The following RPL35A variants were observed in gnomAD, a reference collection of about 807,000 sequenced individuals.
The protein encoded by RPL35A is large ribosomal subunit protein eL33.
RPL35A carries 1 observed loss-of-function variant against 16.7 expected under a neutral mutation model. The observed-to-expected ratio is 0.06, with a 90% CI of 0.02 to 0.28. The LOEUF (loss-of-function observed/expected upper bound fraction) is 0.28, where lower values mean the gene tolerates loss of function less well. Among genes scored for constraint, RPL35A ranks in the 10% least tolerant of loss-of-function variants. The pLI is 1.00. For missense variants in RPL35A, 91 were observed against 138.7 expected, an observed-to-expected ratio of 0.66 and a Z score of 1.73; for synonymous variants, 58 against 47.0, an observed-to-expected ratio of 1.23 and a Z score of -0.96.
chr3:197,954,355 A>G (rs1197716251), intron 4 of RPL35A: 2 of 605,372 alleles, frequency 3.3e-6, no homozygotes, highest in Admixed American at 2.7e-5. Flanking sequence ...TTGGGGGGAG[A>G]CAGGGTCTCA....
At chr3:197,953,695 A>G (rs1720303982) in intron 3 of RPL35A, 1 of 446,728 alleles carries the variant, frequency 2.2e-6, no homozygotes. Context: ...AAATATCCTC[A>G]CACTTGTCCT....
chr3:197,954,462 T>A (rs1470360972), intron 4 of RPL35A: 3 of 411,570 alleles, frequency 7.3e-6, no homozygotes, highest in Non-Finnish European at 1.4e-5. Context: ...GCCCCCCAAG[T>A]AGCTGGGACC....
In RPL35A at chr3:197,955,008, G is replaced by A. The variant is rs546143677; in HGVS notation, c.310-742G>A. On this transcript the variant is annotated intron_variant, in intron 4 of 4. Coordinates refer to ENST00000647248, the MANE Select transcript of RPL35A (RefSeq NM_000996.4). ...CATGTTCCTAGGTCTCAGGTCTTTG[G>A]TGCCAGCCTTGGACTCTAAATTTTT... 1.4e-4 allele frequency among the ~76,000 whole-genome samples: 22 copies of A among 152,240 alleles called. No homozygotes were observed. The South Asian group carries it at 1.7e-3, about 11-fold the overall frequency.
chr3:197,951,110 T>C (rs748019081), intron 2 of RPL35A, 49 bp from the exon 3 acceptor site: 2 of 1,613,096 alleles, frequency 1.2e-6, no homozygotes, highest in Non-Finnish European at 1.7e-6. Flanking sequence ...ACAAGTCAGA[T>C]TGGTTTTTTG....
chr3:197,954,335 TG>T, intron 4 of RPL35A, 188 bp downstream of exon 4: 2 of 681,206 alleles, frequency 2.9e-6, no homozygotes, highest in Non-Finnish European at 5.0e-6. Context: ...GTTTGTTTTT[TG>T]TTTTTTTTTT....
chr3:197,951,426 C>G, intron 3 of RPL35A, 115 bp downstream of exon 3: 4 of 1,155,646 alleles, frequency 3.5e-6, no homozygotes, highest in Non-Finnish European at 5.2e-6. Flanking sequence ...TGGTCTCCCT[C>G]ACCGAAACCT....
chr3:197,953,340 T>TA, intron 3 of RPL35A: 1 of 430,804 alleles, frequency 2.3e-6, no homozygotes, highest in Middle Eastern at 3.4e-4. Flanking sequence ...TGGGCCACTG[T>TA]ACTGCAGCCT....
intron 4 of RPL35A, 83 bp from the exon 5 acceptor site, chr3:197,955,667 G>A: frequency 1.6e-6 from 2 of 1,214,246 alleles, no homozygotes; most frequent in Non-Finnish European, 2.4e-6. Flanking sequence ...TAGCCTTTCA[G>A]AGATTTATCC....
intron 4 of RPL35A, among the ~76,000 whole-genome samples, chr3:197,955,358 G>A (rs1720444085): frequency 6.6e-6 from 1 of 151,548 alleles, no homozygotes; most frequent in Non-Finnish European, 1.5e-5. Context: ...AAGCTCCCAG[G>A]TTCAAGCGAT....
In RPL35A at chr3:197,953,940, C is replaced by T. The variant is rs1190511955; in HGVS notation, c.165-63C>T. 3 of 1,574,846 alleles carry T rather than the reference C, an allele frequency of 1.9e-6. No homozygotes were observed. The African/African-American group carries it at 4.1e-5, about 21-fold the overall frequency. On this transcript the variant is annotated intron_variant, in intron 3 of 4. Coordinates refer to ENST00000647248, the MANE Select transcript of RPL35A (RefSeq NM_000996.4). ...GGTTGAGAGCCACTCGTGTAGAGGT[C>T]ACCTTGAATTTGTATCCAACTATAT...
At position 197,950,300 on chromosome 3, in the gene RPL35A, G is replaced by A. The variant is rs141054745; in HGVS notation, c.-33+79G>A. On this transcript the variant is annotated intron_variant, in intron 1 of 4. Coordinates refer to ENST00000647248, the MANE Select transcript of RPL35A (RefSeq NM_000996.4). ...GTTCCTGTGCCTTGGCGAGTCGCCG[G>A]TGCGTATCGGAGTCTCTGCCAGCCA... The A allele has an allele frequency of 5.0e-5, 62 of 1,229,992 alleles. 1 individual carries two copies. In the African/African-American group the frequency reaches 6.8e-4, roughly 14 times the overall value. The allele number at this position is 1,229,992 out of a possible 1,614,324, so 76.2% of individuals were successfully genotyped here.
intron 4 of RPL35A, among the ~76,000 whole-genome samples, chr3:197,955,273 C>CT (rs34024853): frequency 0.026 from 3,762 of 143,832 alleles, 63 homozygotes; most frequent in Non-Finnish European, 0.037. Context: ...TTTTCTTTTT[C>CT]TTTTTTTTTT....
intron 1 of RPL35A, 152 bp downstream of exon 1, chr3:197,950,373 G>C: frequency 8.3e-7 from 1 of 1,210,290 alleles, no homozygotes; most frequent in Non-Finnish European, 1.0e-6. Flanking sequence ...TGGAGGAGAT[G>C]TTGGGCTGAT....
intron 3 of RPL35A, 108 bp from the exon 4 acceptor site, chr3:197,953,895 G>A: frequency 9.6e-7 from 1 of 1,039,276 alleles, no homozygotes; most frequent in East Asian, 2.4e-5. Context: ...AGTTTCTCAG[G>A]TGATGAAGTG....
intron 1 of RPL35A, chr3:197,950,453 G>A: frequency 7.0e-6 from 4 of 570,216 alleles, no homozygotes; most frequent in East Asian, 5.0e-5. Context: ...GGGCCTGAAC[G>A]GAGTGAAACG....
At chr3:197,951,064 A>G in intron 2 of RPL35A, 86 bp downstream of exon 2, 1 of 1,603,272 alleles carries the variant, frequency 6.2e-7, no homozygotes, top group South Asian at 1.1e-5. Flanking sequence ...AAAAACTTAG[A>G]TGTTTGCTCT....
At chr3:197,953,784 A>G (rs1720315103) in intron 3 of RPL35A, 1 of 607,988 alleles carries the variant, frequency 1.6e-6, no homozygotes, top group African/African-American at 1.9e-5. Flanking sequence ...TTATCATGTG[A>G]AAGATTTTTG....
Position 197,951,143 on chromosome 3 carries a change from ATC to A in RPL35A, c.12-14_12-13del. On this transcript the variant is annotated splice_polypyrimidine_tract_variant and intron_variant, in intron 2 of 4. Transcript: ENST00000647248. ...TTGAAGCTTATGTTTCATGTTGTGT[ATC>A]TTTTGTGTCTTAGGCTGTGGTCCAA... 6.2e-7 allele frequency: 1 copy of A among 1,613,986 alleles called. No homozygotes were observed.
chr3:197,952,162 GTTTTTT>G (rs1161903755), intron 3 of RPL35A, among the ~76,000 whole-genome samples: 1 of 83,860 alleles, frequency 1.2e-5, no homozygotes, highest in African/African-American at 5.2e-5. Context: ...AAAATTATGG[GTTTTTT>G]TTTTTTTTTT....
Sources: allele counts gnomAD v4.1 joint callset (sites outside exome capture counted in the v4.1 genomes callset), GRCh38; gene constraint gnomAD v4.1.1; transcripts MANE v1.5; gene names NCBI Gene and HGNC (gene_info 2026-07-23, HGNC 2026-07-21).